The following CSMD1 variants were observed in gnomAD, a reference collection of about 807,000 sequenced individuals.
The protein encoded by CSMD1 is CUB and Sushi multiple domains 1.
In CSMD1, 213 loss-of-function variants were observed where a neutral mutation model predicts 417.5. That is an observed-to-expected ratio of 0.51 (90% CI 0.46 to 0.57). CSMD1 has a LOEUF of 0.57. CSMD1 is among the 20% of genes least tolerant of loss of function. CSMD1 has a pLI of 0.00. For synonymous variants in CSMD1, 2,862 were observed against 1,736.8 expected (o/e 1.65, Z -16.11); for missense variants, 6,923 against 4,529.7 (o/e 1.53, Z -15.17).
At chr8:4,388,740 A>G (rs1275258604) in intron 3 of CSMD1, among the ~76,000 whole-genome samples, 1 of 152,208 alleles carries the variant, frequency 6.6e-6, no homozygotes, top group Non-Finnish European at 1.5e-5. Flanking sequence ...ACTTGGCAGA[A>G]AAAAGTAAAA....
chr8:4,234,706 C>T (rs997563984), intron 3 of CSMD1, among the ~76,000 whole-genome samples: 5 of 152,120 alleles, frequency 3.3e-5, no homozygotes. Context: ...GTGTGGTGTA[C>T]GGCCACACGG....
At chr8:4,105,430 G>C (rs531686659) in intron 3 of CSMD1, among the ~76,000 whole-genome samples, 1 of 152,066 alleles carries the variant, frequency 6.6e-6, no homozygotes, top group Non-Finnish European at 1.5e-5. Context: ...CATGGACACT[G>C]GTTAAACTCA....
chr8:3,986,950 T>A (rs1814374799), intron 5 of CSMD1, among the ~76,000 whole-genome samples: 1 of 152,138 alleles, frequency 6.6e-6, no homozygotes. Context: ...ACAGGGCGTT[T>A]CACCATGCAG....
At chr8:4,941,985 C>T (rs1285259428) in intron 1 of CSMD1, among the ~76,000 whole-genome samples, 3 of 152,168 alleles carry the variant, frequency 2.0e-5, no homozygotes, top group Non-Finnish European at 4.4e-5. Flanking sequence ...TTTTAAAAGT[C>T]ATTTAAAACC....
At position 3,781,273 on chromosome 8, in the gene CSMD1, G is replaced by T. The variant is rs547375125; in HGVS notation, c.819-27231C>A. On this transcript the variant is annotated intron_variant, in intron 5 of 69. Transcript: ENST00000635120. ...GAATGTGCACTACCACAGAGTACAT[G>T]CCGAGAGAATATGGTATGAATATAC... Among the ~76,000 whole-genome samples the T allele has an allele frequency of 8.3e-4, 127 of 152,204 alleles. 1 individual carries two copies. The highest frequency in any genetic ancestry group is 2.9e-3 in the African/African-American group (121 of 41,528).
intron 2 of CSMD1, among the ~76,000 whole-genome samples, chr8:4,494,654 T>C (rs2130238792): frequency 1.3e-5 from 2 of 152,290 alleles, no homozygotes; most frequent in Non-Finnish European, 2.9e-5. Flanking sequence ...TTTTGTTACT[T>C]GGCATCTTCA....
At chr8:3,294,418 G>T (rs1487915372) in intron 25 of CSMD1, among the ~76,000 whole-genome samples, 1 of 152,178 alleles carries the variant, frequency 6.6e-6, no homozygotes, top group Non-Finnish European at 1.5e-5. Context: ...CCTGCCTGCA[G>T]AGGTGGAGTC....
intron 5 of CSMD1, among the ~76,000 whole-genome samples, chr8:3,828,810 G>C (rs1050121906): frequency 1.3e-5 from 2 of 152,008 alleles, no homozygotes; most frequent in Non-Finnish European, 2.9e-5. Flanking sequence ...TCAAGTTACA[G>C]CCTCATGCCT....
chr8:3,220,147 T>C lies in CSMD1; in HGVS notation c.4485-705A>G, dbSNP rs373551113. 2.6e-3 allele frequency among the ~76,000 whole-genome samples: 204 copies of C among 78,906 alleles called. 1 individual carries two copies. The highest frequency in any genetic ancestry group is 9.9e-3 in the African/African-American group (191 of 19,218). 51.8% of individuals were successfully genotyped at this position (78,906 alleles called of 152,430 possible). ...CACCCTGAGAGACAGAACAAGACCC[T>C]GTCAAAAAAAAAAAAAGACTCCACT... is the stretch of plus-strand genomic sequence containing the variant. On this transcript the variant is annotated intron_variant, in intron 28 of 69. Coordinates refer to ENST00000635120, the MANE Select transcript of CSMD1 (RefSeq NM_033225.6).
At chr8:4,748,906 G>A (rs144488494) in intron 1 of CSMD1, among the ~76,000 whole-genome samples, 16 of 152,322 alleles carry the variant, frequency 1.1e-4, no homozygotes, top group South Asian at 2.1e-4. Flanking sequence ...TACTCTGAAG[G>A]TTCTCTGCTG....
At position 4,717,310 on chromosome 8, in the gene CSMD1, C is replaced by CATATATATATATACAT. The variant is rs1193301322; in HGVS notation, c.86-79753_86-79752insATGTATATATATATAT. On this transcript the variant is annotated intron_variant, in intron 1 of 69. Coordinates refer to ENST00000635120, the MANE Select transcript of CSMD1 (RefSeq NM_033225.6). Reference sequence around the variant, plus strand: ...CCCTGCCCTTCTCTCTCTCTCTCTCCATATATATATATATATACACACACA... The same window carrying CATATATATATATACAT: ...CCCTGCCCTTCTCTCTCTCTCTCTCCATATATATATATACATATATATATATATATATACACACACA... Among the ~76,000 whole-genome samples the CATATATATATATACAT allele has an allele frequency of 4.6e-4, 63 of 137,150 alleles. 1 individual carries two copies. Among genetic ancestry groups the CATATATATATATACAT allele is most frequent in the Non-Finnish European group, 8.3e-4 (55 of 65,960 alleles). 90.0% of individuals were successfully genotyped at this position (137,150 alleles called of 152,430 possible).
chr8:3,185,237 A>T (rs892506790), intron 36 of CSMD1, among the ~76,000 whole-genome samples: 1 of 152,228 alleles, frequency 6.6e-6, no homozygotes. Context: ...TCAGAATTGC[A>T]TTGCAGTGGT....
chr8:3,292,999 G>T (rs543342173), intron 25 of CSMD1, among the ~76,000 whole-genome samples: 1 of 152,000 alleles, frequency 6.6e-6, no homozygotes, highest in African/African-American at 2.4e-5. Context: ...GCTTCCTTCA[G>T]GAGGTCTTTT....
At chr8:3,312,886 C>A (rs138036171) in intron 23 of CSMD1, among the ~76,000 whole-genome samples, 4 of 152,276 alleles carry the variant, frequency 2.6e-5, no homozygotes, top group Non-Finnish European at 5.9e-5. Flanking sequence ...TACAGCCTAG[C>A]CTGCTGTTTC....
chr8:3,036,012 T>C (rs1810650238), intron 50 of CSMD1, among the ~76,000 whole-genome samples: 1 of 152,222 alleles, frequency 6.6e-6, no homozygotes, highest in South Asian at 2.1e-4. Context: ...CACATTTTTG[T>C]TCTAAAAACC....
chr8:3,416,594 T>C (rs1052853282), intron 12 of CSMD1, among the ~76,000 whole-genome samples: 1 of 152,214 alleles, frequency 6.6e-6, no homozygotes, highest in Non-Finnish European at 1.5e-5. Flanking sequence ...TCCTTTTGTG[T>C]AGTCAACCAT....
At chr8:4,713,374 T>TTTTTC (rs1808433361) in intron 1 of CSMD1, among the ~76,000 whole-genome samples, 1 of 148,014 alleles carries the variant, frequency 6.8e-6, no homozygotes, top group Non-Finnish European at 1.5e-5. Context: ...CAGCTTTGTG[T>TTTTTC]TTTTGTTTTG....
intron 2 of CSMD1, among the ~76,000 whole-genome samples, chr8:4,528,942 A>AG (rs1326076877): frequency 6.6e-6 from 1 of 152,222 alleles, no homozygotes; most frequent in African/African-American, 2.4e-5. Context: ...AAAATACCCC[A>AG]GGGAACATAC....
At chr8:4,028,367 G>A (rs1185798082) in intron 4 of CSMD1, among the ~76,000 whole-genome samples, 1 of 152,100 alleles carries the variant, frequency 6.6e-6, no homozygotes, top group South Asian at 2.1e-4. Context: ...TGCTAAAGTA[G>A]TGCCTGGCTT....
Sources: allele counts gnomAD v4.1 joint callset (sites outside exome capture counted in the v4.1 genomes callset), GRCh38; gene constraint gnomAD v4.1.1; transcripts MANE v1.5; gene names NCBI Gene and HGNC (gene_info 2026-07-23, HGNC 2026-07-21).